Variants in WWP2 observed in about 807,000 individuals in gnomAD.
WWP2 encodes the protein NEDD4-like E3 ubiquitin-protein ligase WWP2.
WWP2 carries 57 observed loss-of-function variants against 121.0 expected under a neutral mutation model. That is an observed-to-expected ratio of 0.47 (90% CI 0.38 to 0.59). WWP2 has a LOEUF of 0.59. WWP2 is among the 20% of genes least tolerant of loss of function. The probability of loss-of-function intolerance (pLI) is 0.00; values close to 1 mark genes in which losing one functional copy is unlikely to be tolerated. For synonymous variants in WWP2, 449 were observed against 441.3 expected, an observed-to-expected ratio of 1.02 and a Z score of -0.22; for missense variants, 962 against 1,158.9, an observed-to-expected ratio of 0.83 and a Z score of 2.47.
At chr16:69,931,118 C>T (rs77870048) in intron 13 of WWP2, 34 bp from the exon 14 acceptor site, 67,246 of 1,602,298 alleles carry the variant, frequency 0.042, 1,645 homozygotes, top group Non-Finnish European at 0.05. Context: ...TCTGAGAAAT[C>T]GCATGAACCC....
chr16:69,936,019 G>C, intron 18 of WWP2, 33 bp downstream of exon 18: 1 of 1,607,020 alleles, frequency 6.2e-7, no homozygotes. Context: ...CCACCGCGCT[G>C]ATAGGAGGGA....
At chr16:69,838,801 C>T (rs2056922899) in intron 4 of WWP2, 1 of 985,342 alleles carries the variant, frequency 1.0e-6, no homozygotes, top group Admixed American at 6.1e-5. Flanking sequence ...TAGCAGCAGA[C>T]TCACTCAGAA....
At chr16:69,885,498 G>A (rs1275976129) in intron 7 of WWP2, among the ~76,000 whole-genome samples, 1 of 152,198 alleles carries the variant, frequency 6.6e-6, no homozygotes, top group Non-Finnish European at 1.5e-5. Context: ...TTACCTGTTT[G>A]TTAAGATCTA....
chr16:69,795,051 G>C (rs1361921787), intron 2 of WWP2, among the ~76,000 whole-genome samples: 1 of 152,008 alleles, frequency 6.6e-6, no homozygotes, highest in Non-Finnish European at 1.5e-5. Flanking sequence ...CTGGCCAATG[G>C]GGTGAAATCC....
intron 7 of WWP2, among the ~76,000 whole-genome samples, chr16:69,881,881 C>A (rs146625666): frequency 0.053 from 8,070 of 152,218 alleles, 277 homozygotes; most frequent in Middle Eastern, 0.11. Context: ...TTAGTAGAGA[C>A]AGAGTTTTGC....
chr16:69,883,380 T>G (rs1021301326), intron 7 of WWP2, among the ~76,000 whole-genome samples: 1 of 145,934 alleles, frequency 6.9e-6, no homozygotes, highest in Non-Finnish European at 1.5e-5. Context: ...CTTTCAAGCT[T>G]TCATGTTCTA....
intron 7 of WWP2, among the ~76,000 whole-genome samples, chr16:69,875,932 C>CA (rs1400005540): frequency 3.9e-5 from 6 of 152,004 alleles, no homozygotes; most frequent in African/African-American, 7.2e-5. Context: ...ATGGTGAGTC[C>CA]TTTTTAGTTT....
chr16:69,789,861 G>A (rs2055872105), intron 2 of WWP2, among the ~76,000 whole-genome samples: 1 of 152,130 alleles, frequency 6.6e-6, no homozygotes, highest in Non-Finnish European at 1.5e-5. Context: ...CTGATTCCCT[G>A]CTCAGTAAAA....
intron 4 of WWP2, among the ~76,000 whole-genome samples, chr16:69,830,226 AT>A (rs1238996100): frequency 1.3e-5 from 2 of 152,128 alleles, no homozygotes; most frequent in African/African-American, 4.8e-5. Flanking sequence ...AAGAGCTGGG[AT>A]TACAGGCGAC....
chr16:69,805,858 C>T (rs1448602780), intron 4 of WWP2, among the ~76,000 whole-genome samples: 1 of 150,400 alleles, frequency 6.6e-6, no homozygotes, highest in Non-Finnish European at 1.5e-5. Context: ...ATCTATTAAG[C>T]AGCCATTGGA....
chr16:69,908,619 G>C, intron 8 of WWP2, 142 bp from the exon 9 acceptor site: 1 of 1,480,366 alleles, frequency 6.8e-7, no homozygotes, highest in Non-Finnish European at 9.0e-7. Context: ...GCAGGAACTG[G>C]CTTCGCCATT....
At chr16:69,936,477 C>T (rs778940839) in intron 19 of WWP2, 25 bp downstream of exon 19, 71 of 1,612,830 alleles carry the variant, frequency 4.4e-5, no homozygotes, top group Non-Finnish European at 5.4e-5. Context: ...CCGGGGGCTC[C>T]GCTCCAGGGG....
chr16:69,846,042 T>A, intron 6 of WWP2, among the ~76,000 whole-genome samples: 2 of 20,736 alleles, frequency 9.6e-5, no homozygotes, highest in East Asian at 2.9e-3. Context: ...AGAGCCAGAC[T>A]CCATCTCAAA....
chr16:69,811,818 C>T (rs116405249), intron 4 of WWP2, among the ~76,000 whole-genome samples: 1,748 of 152,234 alleles, frequency 0.011, 25 homozygotes, highest in African/African-American at 0.037. Context: ...TCCTCAATGT[C>T]GTCCTTCACC....
intron 6 of WWP2, among the ~76,000 whole-genome samples, chr16:69,854,512 C>T (rs145029934): frequency 4.2e-4 from 64 of 151,520 alleles, no homozygotes; most frequent in Middle Eastern, 3.5e-3. Context: ...TCCTTTCAAA[C>T]GTTGAATCAA....
rs577591356 is a variant in WWP2 at position 69,848,112 on chromosome 16, T to C, written c.575+5992T>C. Among the ~76,000 whole-genome samples, 5 of 152,198 alleles carry C rather than the reference T, an allele frequency of 3.3e-5. No individual in the cohort carries two copies. The East Asian group carries it at 7.7e-4, about 24-fold the overall frequency. On this transcript the variant is annotated intron_variant, in intron 6 of 23. Coordinates refer to ENST00000359154, the MANE Select transcript of WWP2 (RefSeq NM_001270454.2). Reference sequence around the variant, plus strand: ...AATTTGCTTTTTGATTCATAAAATTTTTCATTAATAGGGATTAACATAAGG... The same window carrying C: ...AATTTGCTTTTTGATTCATAAAATTCTTCATTAATAGGGATTAACATAAGG...
chr16:69,903,880 G>A (rs544052629), intron 8 of WWP2, among the ~76,000 whole-genome samples: 1 of 152,240 alleles, frequency 6.6e-6, no homozygotes, highest in Admixed American at 6.5e-5. Flanking sequence ...AAATATTAGA[G>A]TTTTCCAAAT....
chr16:69,816,117 G>A (rs1222168657), intron 4 of WWP2, among the ~76,000 whole-genome samples: 4 of 152,046 alleles, frequency 2.6e-5, no homozygotes, highest in Admixed American at 6.6e-5. Flanking sequence ...TGCATACCCA[G>A]TTAGTTTTTT....
At chr16:69,855,113 C>A (rs1322056191) in intron 6 of WWP2, among the ~76,000 whole-genome samples, 1 of 152,232 alleles carries the variant, frequency 6.6e-6, no homozygotes, top group Admixed American at 6.5e-5. Context: ...TTCCAAAGTG[C>A]TGGGATTACA....
Sources: gnomAD v4.1 joint callset for allele counts (sites outside exome capture counted in the v4.1 genomes callset) on GRCh38, gnomAD v4.1.1 for gene constraint, MANE v1.5 for transcripts, NCBI Gene and HGNC (gene_info 2026-07-23, HGNC 2026-07-21) for gene names.